SHANK1: variants seen among roughly 807,000 people sequenced by gnomAD.
SHANK1 encodes SH3 and multiple ankyrin repeat domains 1, also known as SH3 and multiple ankyrin repeat domains protein 1.
SHANK1 carries 35 observed loss-of-function variants against 165.6 expected under a neutral mutation model. The observed-to-expected ratio is 0.21, with a 90% CI of 0.16 to 0.28. The LOEUF (loss-of-function observed/expected upper bound fraction) is 0.28, where lower values mean the gene tolerates loss of function less well. SHANK1 is among the 10% of genes least tolerant of loss of function. The pLI is 1.00. For synonymous variants in SHANK1, 1,428 were observed against 1,384.8 expected, an observed-to-expected ratio of 1.03 and a Z score of -0.69; for missense variants, 2,681 against 3,036.4, an observed-to-expected ratio of 0.88 and a Z score of 2.75.
At chr19:50,678,053 T>C (rs1986035383) in intron 21 of SHANK1, among the ~76,000 whole-genome samples, 1 of 152,212 alleles carries the variant, frequency 6.6e-6, no homozygotes, top group South Asian at 2.1e-4. Flanking sequence ...CCATTTTACC[T>C]GCTATTTTTC....
At chr19:50,679,347 C>G (rs945691534) in intron 21 of SHANK1, among the ~76,000 whole-genome samples, 2 of 151,528 alleles carry the variant, frequency 1.3e-5, no homozygotes, top group Non-Finnish European at 2.9e-5. Context: ...TGACAAAAGA[C>G]ACTTCAGCAC....
chr19:50,662,103 T>C lies in SHANK1; in HGVS notation c.6348A>G (p.Arg2116=). 6.2e-7 allele frequency: 1 copy of C among 1,614,110 alleles called. No individual in the cohort carries two copies. Among genetic ancestry groups the C allele is most frequent in the Non-Finnish European group, 8.5e-7 (1 of 1,180,000 alleles). ...WLEWLGLAEH[R]AQFLDHEIDG... is the part of the protein sequence containing the mutation. ...CGATCTCGTGGTCCAGGAACTGGGC[T>C]CGGTGCTCCGCCAAACCCAGCCACT... The change falls in exon 24 of 24, where the codon CGA becomes CGG. Residue 2116 remains arginine (R), a synonymous_variant. Coordinates refer to ENST00000293441, the MANE Select transcript of SHANK1 (RefSeq NM_016148.5). This position sits in a 1 kb window ranked among gnomAD's most constrained non-coding sequence, Gnocchi z 7.7.
At chr19:50,711,208 G>GGATGGATC (rs897737487) in intron 8 of SHANK1, 163 bp downstream of exon 8, 38 of 601,676 alleles carry the variant, frequency 6.3e-5, no homozygotes, top group African/African-American at 3.1e-4. Flanking sequence ...ATGGATGGAT[G>GGATGGATC]GATGGATGGA....
rs1985681438 is a variant in SHANK1, at chr19:50,668,908, C to T, written c.3052G>A (p.Ala1018Thr). 8 of 448,236 alleles carry T rather than the reference C, an allele frequency of 1.8e-5. No individual in the cohort carries two copies. The highest frequency in any genetic ancestry group is 3.6e-5 in the African/African-American group (1 of 27,932). 27.8% of individuals were successfully genotyped at this position (448,236 alleles called of 1,614,324 possible). A position where few individuals can be genotyped will look rare whatever the true frequency, so the allele number is the denominator to read the frequency against. Residue 1018 changes from alanine to threonine, a missense_variant, in exon 23 of 24, where the codon GCC (alanine) becomes ACC (threonine). By Grantham distance (58) the Ala-to-Thr change is moderately conservative. Coordinates refer to ENST00000293441, the MANE Select transcript of SHANK1 (RefSeq NM_016148.5). ...ATCTCGGGAGGATGAGGGGGGTGGG[C>T]GTGGTGGTGGTGGGGCTGAGGGGGC... ...APPPQPHHHH[A>T]HPPHPPEMET...
At position 50,716,484 on chromosome 19, in the gene SHANK1, T is replaced by TG. The variant is rs1174018712; in HGVS notation, c.256-7dup. On this transcript the variant is annotated splice_region_variant and splice_polypyrimidine_tract_variant and intron_variant, in intron 2 of 23. Transcript: ENST00000293441. The surrounding 1 kb of genome is among the most constrained non-coding windows in gnomAD (Gnocchi z 8.4). Reference sequence around the variant, plus strand: ...GGGTTGAAGCGAAGGCATTTCTGGTTGGGGAAGAGATAGGGGCTAGGGTGG... The same window carrying TG: ...GGGTTGAAGCGAAGGCATTTCTGGTTGGGGGAAGAGATAGGGGCTAGGGTGG... The TG allele has an allele frequency of 6.2e-6, 10 of 1,613,792 alleles. No individual in the cohort carries two copies. The highest frequency in any genetic ancestry group is 8.5e-6 in the Non-Finnish European group (10 of 1,179,914).
intron 8 of SHANK1, among the ~76,000 whole-genome samples, chr19:50,709,069 C>A (rs986494797): frequency 6.6e-6 from 1 of 152,222 alleles, no homozygotes; most frequent in Non-Finnish European, 1.5e-5. Flanking sequence ...TGTTATGCAT[C>A]GGTTTGTTAA....
In SHANK1 at chr19:50,667,487, G is replaced by A. The variant is rs1434589788; in HGVS notation, c.4473C>T (p.His1491=). The change falls in exon 23 of 24, where the codon CAC becomes CAT. Residue 1491 remains histidine (H), a synonymous_variant. Transcript: ENST00000293441. The surrounding 1 kb of genome is among the most constrained non-coding windows in gnomAD (Gnocchi z 5.7). ...APEEPERLPL[H]VRFLENCQPR... ...GCTGGCAGTTTTCAAGGAACCGCAC[G>A]TGCAGCGGCAGCCGCTCGGGTTCTT... The A allele has an allele frequency of 1.3e-6, 2 of 1,531,508 alleles. No individual in the cohort carries two copies. The highest frequency in any genetic ancestry group is 2.1e-5 in the Admixed American group (1 of 47,586). 94.9% of individuals were successfully genotyped at this position (1,531,508 alleles called of 1,614,324 possible).
In SHANK1 at chr19:50,659,646, G is replaced by GT. The variant is rs567473843; in HGVS notation, c.*2318dup. On this transcript the variant is annotated 3_prime_UTR_variant, in exon 24 of 24. Coordinates refer to ENST00000293441, the MANE Select transcript of SHANK1 (RefSeq NM_016148.5). ...TTTTTGTGTGTTCTAGGGGTTTTGT[G>GT]TTTTTTTTTTCTGTTTTTTATATTT... 8.3e-3 allele frequency among the ~76,000 whole-genome samples: 1,150 copies of GT among 138,262 alleles called. 16 individuals carry two copies. Among genetic ancestry groups the GT allele is most frequent in the Middle Eastern group, 0.012 (3 of 252 alleles). The allele number at this position is 138,262 out of a possible 152,430, so 90.7% of individuals were successfully genotyped here. A position where few individuals can be genotyped will look rare whatever the true frequency, so the allele number is the denominator to read the frequency against.
Position 50,661,297 on chromosome 19 carries a change from C to T in SHANK1, c.*668G>A, listed in dbSNP as rs1030453566. ...AAGAAGCAGAGAAGGAGGCATGGAG[C>T]GTGAGAAAGGAAATGCAGCGTGTGC... On this transcript the variant is annotated 3_prime_UTR_variant, in exon 24 of 24. Transcript: ENST00000293441. 5.3e-5 allele frequency among the ~76,000 whole-genome samples: 8 copies of T among 152,018 alleles called. No individual in the cohort carries two copies. Among genetic ancestry groups the T allele is most frequent in the African/African-American group, 1.7e-4 (7 of 41,438 alleles).
Position 50,686,664 on chromosome 19 carries a change from G to A in SHANK1, c.2458+80C>T. The A allele has an allele frequency of 7.5e-7, 1 of 1,333,892 alleles. No individual in the cohort carries two copies. Among genetic ancestry groups the A allele is most frequent in the Non-Finnish European group, 1.1e-6 (1 of 940,516 alleles). The allele number at this position is 1,333,892 out of a possible 1,614,324, so 82.6% of individuals were successfully genotyped here. The stretch of plus-strand genomic sequence containing the variant: ...GGGCAGGAAGGTGAGGGGCGCCGTG[G>A]GGTTCATGGTGGGACAGGGATGCAG... On this transcript the variant is annotated intron_variant, in intron 20 of 23. Transcript: ENST00000293441. This position sits in a 1 kb window ranked among gnomAD's most constrained non-coding sequence, Gnocchi z 5.7.
At position 50,718,705 on chromosome 19, in the gene SHANK1, G is replaced by T. The variant is rs113910323; in HGVS notation, c.-44+701C>A. On this transcript the variant is annotated intron_variant, in intron 1 of 23. Coordinates refer to ENST00000293441, the MANE Select transcript of SHANK1 (RefSeq NM_016148.5). The surrounding 1 kb of genome is among the most constrained non-coding windows in gnomAD (Gnocchi z 5.1). ...GGGGGCGGCTGGCGTGGCCGAGAGC[G>T]GGGCCGGGGAGAATGAATGGAGGCG... Among the ~76,000 whole-genome samples the T allele has an allele frequency of 6.6e-6, 1 of 151,758 alleles. No homozygotes were observed. Among genetic ancestry groups the T allele is most frequent in the Non-Finnish European group, 1.5e-5 (1 of 67,838 alleles).
chr19:50,663,885 C>A (rs148778473), intron 23 of SHANK1, among the ~76,000 whole-genome samples: 2 of 150,418 alleles, frequency 1.3e-5, no homozygotes, highest in East Asian at 3.9e-4. Context: ...AGCATTGATT[C>A]AAGTTGCTCT....
In SHANK1 at chr19:50,683,474, C is replaced by T. The variant is rs141262654; in HGVS notation, c.2577+2763G>A. 4.2e-3 allele frequency among the ~76,000 whole-genome samples: 637 copies of T among 152,264 alleles called. 6 individuals are homozygous for T. The highest frequency in any genetic ancestry group is 0.014 in the African/African-American group (599 of 41,542). ...TCATTCACATCCAACTCCTGGCCAC[C>T]AGTGCTCTAACTCATGCCTGAATGA... On this transcript the variant is annotated intron_variant, in intron 21 of 23. Transcript: ENST00000293441.
chr19:50,675,737 C>T (rs1415968399), intron 21 of SHANK1, among the ~76,000 whole-genome samples: 1 of 152,150 alleles, frequency 6.6e-6, no homozygotes, highest in East Asian at 1.9e-4. Context: ...CGCGGTGGCT[C>T]ACACCTTTAA....
chr19:50,692,456 G>GATAT lies in SHANK1; in HGVS notation c.1965-3181_1965-3178dup, dbSNP rs142402078. ...TCAAAGCCAAGATTTGAATTCACCAGATATATATATATATATACACACACA... is the reference window on the plus strand; with the variant it reads ...TCAAAGCCAAGATTTGAATTCACCAGATATATATATATATATATATACACACACA... On this transcript the variant is annotated intron_variant, in intron 15 of 23. Coordinates refer to ENST00000293441, the MANE Select transcript of SHANK1 (RefSeq NM_016148.5). Among the ~76,000 whole-genome samples, 53 of 128,894 alleles carry GATAT rather than the reference G, an allele frequency of 4.1e-4. 1 individual carries two copies. Among genetic ancestry groups the GATAT allele is most frequent in the South Asian group, 1.4e-3 (6 of 4,250 alleles). The allele number at this position is 128,894 out of a possible 152,430, so 84.6% of individuals were successfully genotyped here.
chr19:50,691,049 T>C (rs924283043), intron 15 of SHANK1, among the ~76,000 whole-genome samples: 2 of 151,850 alleles, frequency 1.3e-5, no homozygotes, highest in African/African-American at 4.8e-5. Flanking sequence ...CCAGCAACAG[T>C]CCTCGCTCAA....
In SHANK1 at chr19:50,704,290, G is replaced by A. The variant is rs970003834; in HGVS notation, c.1156-104C>T. The A allele has an allele frequency of 3.1e-5, 41 of 1,341,418 alleles. 1 individual carries two copies. The highest frequency in any genetic ancestry group is 3.9e-4 in the Middle Eastern group (2 of 5,156). The allele number at this position is 1,341,418 out of a possible 1,614,324, so 83.1% of individuals were successfully genotyped here. ...TGGCCCGACCCAAACCTTCCACTCC[G>A]ACAATGCCGCCCTCTGTCTTCTTCC... On this transcript the variant is annotated intron_variant, in intron 9 of 23. Coordinates refer to ENST00000293441, the MANE Select transcript of SHANK1 (RefSeq NM_016148.5).
Position 50,718,442 on chromosome 19 carries a change from A to C in SHANK1, c.-44+964T>G, listed in dbSNP as rs2089093615. 6.6e-6 allele frequency among the ~76,000 whole-genome samples: 1 copy of C among 151,282 alleles called. No individual in the cohort carries two copies. Among genetic ancestry groups the C allele is most frequent in the Admixed American group, 6.6e-5 (1 of 15,238 alleles). On this transcript the variant is annotated intron_variant, in intron 1 of 23. Coordinates refer to ENST00000293441, the MANE Select transcript of SHANK1 (RefSeq NM_016148.5). This position sits in a 1 kb window ranked among gnomAD's most constrained non-coding sequence, Gnocchi z 5.1. ...GGGGGTGGCCGGTGGGATGAAAGAA[A>C]AGCTGGCTAGGGCCCCCCGCGCGTA...
At chr19:50,700,865 C>T (rs1048870858) in intron 12 of SHANK1, among the ~76,000 whole-genome samples, 2 of 152,106 alleles carry the variant, frequency 1.3e-5, no homozygotes, top group African/African-American at 4.8e-5. Context: ...GAAGGAGCTG[C>T]ACCTGGCCCC....
Sources: gnomAD v4.1 joint callset for allele counts (sites outside exome capture counted in the v4.1 genomes callset) on GRCh38, gnomAD v4.1.1 for gene constraint, Gnocchi (gnomAD v3.1) non-coding constraint, MANE v1.5 for transcripts, NCBI Gene and HGNC (gene_info 2026-07-23, HGNC 2026-07-21) for gene names.